C16orf74: variants seen among roughly 807,000 people sequenced by gnomAD.
The protein encoded by C16orf74 is uncharacterized protein C16orf74.
A neutral mutation model predicts 6.5 loss-of-function variants in C16orf74; 10 were observed. That is an observed-to-expected ratio of 1.54 (90% confidence interval 0.95 to 2.61). The LOEUF (loss-of-function observed/expected upper bound fraction) is 2.61. C16orf74 is among the 30% of genes most tolerant of loss of function. The pLI is 0.00. For synonymous variants in C16orf74, 60 were observed against 42.5 expected, an observed-to-expected ratio of 1.41 and a Z score of -1.60; for missense variants, 141 against 105.9, an observed-to-expected ratio of 1.33 and a Z score of -1.45.
intron 2 of C16orf74, among the ~76,000 whole-genome samples, chr16:85,734,102 G>C (rs1481258856): frequency 2.0e-5 from 3 of 152,130 alleles, no homozygotes; most frequent in African/African-American, 7.2e-5. Flanking sequence ...TAAATTCCTT[G>C]TTAACCAGTA....
At chr16:85,717,341 A>T (rs1001385949) in intron 2 of C16orf74, among the ~76,000 whole-genome samples, 1 of 152,182 alleles carries the variant, frequency 6.6e-6, no homozygotes, top group Non-Finnish European at 1.5e-5. Context: ...GCCCAGGCTG[A>T]TTCAAGGCTC....
At position 85,707,943 on chromosome 16, in the gene C16orf74, G is replaced by C; in HGVS notation, c.*65C>G. ...CAGCACACCTGCTCCAGGCAGCCAC[G>C]CCCCCGGACACCTGAAGCCGGGCCG... On this transcript the variant is annotated 3_prime_UTR_variant, in exon 4 of 4. Coordinates refer to ENST00000284245, the MANE Select transcript of C16orf74 (RefSeq NM_206967.3). 7.1e-7 allele frequency: 1 copy of C among 1,409,580 alleles called. No homozygotes were observed. Among genetic ancestry groups the C allele is most frequent in the South Asian group, 1.2e-5 (1 of 81,090 alleles). 87.3% of individuals were successfully genotyped at this position (1,409,580 alleles called of 1,614,324 possible).
chr16:85,711,697 C>T (rs2053972149), intron 2 of C16orf74, among the ~76,000 whole-genome samples: 1 of 152,026 alleles, frequency 6.6e-6, no homozygotes, highest in Admixed American at 6.5e-5. Flanking sequence ...GTGTTACAAT[C>T]CTTGTCTCTA....
At chr16:85,711,504 T>A (rs942603538) in intron 2 of C16orf74, among the ~76,000 whole-genome samples, 1 of 150,010 alleles carries the variant, frequency 6.7e-6, no homozygotes, top group Non-Finnish European at 1.5e-5. Context: ...GCGCCTGTAA[T>A]CCCAGCTACT....
intron 1 of C16orf74, among the ~76,000 whole-genome samples, chr16:85,739,307 G>T (rs394623): frequency 2.0e-5 from 3 of 151,982 alleles, no homozygotes; most frequent in Non-Finnish European, 4.4e-5. Context: ...CAAAGTACTC[G>T]GATTTTATCA....
chr16:85,720,056 T>C (rs575598771), intron 2 of C16orf74, among the ~76,000 whole-genome samples: 1 of 152,250 alleles, frequency 6.6e-6, no homozygotes, highest in Non-Finnish European at 1.5e-5. Flanking sequence ...TAATCTTTTT[T>C]TTTTTTTTTA....
In C16orf74 at chr16:85,721,065, T is replaced by A. The variant is rs146794058; in HGVS notation, c.29-10758A>T. 4.4e-3 allele frequency among the ~76,000 whole-genome samples: 677 copies of A among 152,230 alleles called. 5 individuals carry two copies. Among genetic ancestry groups the A allele is most frequent in the African/African-American group, 0.015 (638 of 41,532 alleles). On this transcript the variant is annotated intron_variant, in intron 2 of 3. Coordinates refer to ENST00000284245, the MANE Select transcript of C16orf74 (RefSeq NM_206967.3). ...AAGATCGCGCCACTGCACCCTAGCCTAGGCAATAAGAGCAAAACTCTGTCT... is the reference window on the plus strand; with the variant it reads ...AAGATCGCGCCACTGCACCCTAGCCAAGGCAATAAGAGCAAAACTCTGTCT...
chr16:85,728,890 C>G (rs1166928582), intron 2 of C16orf74, among the ~76,000 whole-genome samples: 2 of 152,184 alleles, frequency 1.3e-5, no homozygotes, highest in African/African-American at 4.8e-5. Flanking sequence ...CAGTGGTCCT[C>G]AAAGTTACAC....
intron 1 of C16orf74, among the ~76,000 whole-genome samples, chr16:85,750,008 C>T (rs1430467842): frequency 1.3e-5 from 2 of 152,182 alleles, no homozygotes; most frequent in Admixed American, 6.5e-5. Context: ...GGAGTTAACC[C>T]AGCCCAGGAC....
chr16:85,712,208 G>C (rs1427595031), intron 2 of C16orf74, among the ~76,000 whole-genome samples: 2 of 152,216 alleles, frequency 1.3e-5, no homozygotes, highest in African/African-American at 4.8e-5. Flanking sequence ...CCAGCCATCA[G>C]ATGAGACTGC....
At chr16:85,727,130 C>T (rs1386579149) in intron 2 of C16orf74, among the ~76,000 whole-genome samples, 2 of 152,238 alleles carry the variant, frequency 1.3e-5, no homozygotes, top group Admixed American at 6.5e-5. Context: ...ACGGTAGGGA[C>T]GCAATAAACG....
intron 2 of C16orf74, among the ~76,000 whole-genome samples, chr16:85,716,978 G>C (rs1031746043): frequency 6.6e-6 from 1 of 152,314 alleles, no homozygotes; most frequent in East Asian, 1.9e-4. Context: ...AGAAGGAAGG[G>C]AGCAGATCCC....
chr16:85,735,907 G>A (rs745896475), intron 1 of C16orf74, among the ~76,000 whole-genome samples: 3 of 152,128 alleles, frequency 2.0e-5, no homozygotes, highest in African/African-American at 2.4e-5. Context: ...CTCAGTAACA[G>A]CCCCGCAAGG....
chr16:85,712,077 A>C (rs543007847), intron 2 of C16orf74, among the ~76,000 whole-genome samples: 1 of 152,232 alleles, frequency 6.6e-6, no homozygotes, highest in Admixed American at 6.5e-5. Context: ...TGGGGAAGCC[A>C]GCCACCATGT....
chr16:85,715,914 C>T (rs1016390758), intron 2 of C16orf74, among the ~76,000 whole-genome samples: 5 of 152,194 alleles, frequency 3.3e-5, no homozygotes, highest in Admixed American at 2.0e-4. Flanking sequence ...AATGAATTCA[C>T]GAAAGCACTT....
chr16:85,739,574 C>T lies in C16orf74; in HGVS notation c.-18-4339G>A, dbSNP rs550674040. ...CTGGGAGATAGGAGAGCATGACATACTGGTGTGTTTGTTTGAAAAGTAATG... is the reference window on the plus strand; with the variant it reads ...CTGGGAGATAGGAGAGCATGACATATTGGTGTGTTTGTTTGAAAAGTAATG... On this transcript the variant is annotated intron_variant, in intron 1 of 3. Transcript: ENST00000284245. Among the ~76,000 whole-genome samples the T allele has an allele frequency of 6.6e-5, 10 of 152,276 alleles. No homozygotes were observed. The East Asian group carries it at 1.7e-3, about 26-fold the overall frequency.
At chr16:85,725,223 G>C (rs2054121706) in intron 2 of C16orf74, among the ~76,000 whole-genome samples, 1 of 152,116 alleles carries the variant, frequency 6.6e-6, no homozygotes, top group African/African-American at 2.4e-5. Flanking sequence ...GGCTGGAGTG[G>C]GGTGTCTCTC....
chr16:85,728,768 A>G (rs1279544176), intron 2 of C16orf74, among the ~76,000 whole-genome samples: 1 of 152,188 alleles, frequency 6.6e-6, no homozygotes, highest in East Asian at 1.9e-4. Context: ...ACTCCATTTT[A>G]CAGACACAGA....
intron 2 of C16orf74, among the ~76,000 whole-genome samples, chr16:85,729,767 G>A (rs2054169192): frequency 1.3e-5 from 2 of 152,182 alleles, no homozygotes; most frequent in Middle Eastern, 3.2e-3. Context: ...AAGGCCACGT[G>A]AAGACAGAGG....
Sources: allele counts gnomAD v4.1 joint callset (sites outside exome capture counted in the v4.1 genomes callset), GRCh38; gene constraint gnomAD v4.1.1; transcripts MANE v1.5; gene names NCBI Gene and HGNC (gene_info 2026-07-23, HGNC 2026-07-21).